The following GRIK2 variants were observed in gnomAD, a reference collection of about 807,000 sequenced individuals.
The protein encoded by GRIK2 is glutamate receptor ionotropic, kainate 2.
GRIK2 carries 32 observed loss-of-function variants against 100.3 expected under a neutral mutation model. That is an observed-to-expected ratio of 0.32 (90% CI 0.24 to 0.43). GRIK2 has a LOEUF of 0.43. Among genes scored for constraint, GRIK2 ranks in the 20% least tolerant of loss-of-function variants. The pLI, the probability that GRIK2 is intolerant of heterozygous loss-of-function variation, is 1.00. For synonymous variants in GRIK2, 417 were observed against 389.4 expected (o/e 1.07, Z -0.83); for missense variants, 843 against 1,114.9 (o/e 0.76, Z 3.47).
chr6:101,461,906 A>G (rs1582502979), intron 2 of GRIK2, among the ~76,000 whole-genome samples: 1 of 152,318 alleles, frequency 6.6e-6, no homozygotes, highest in East Asian at 1.9e-4. Flanking sequence ...CAAAACCAGC[A>G]TGTTGGAGTG....
chr6:102,009,657 C>T (rs750407374), intron 14 of GRIK2, among the ~76,000 whole-genome samples: 13 of 152,142 alleles, frequency 8.5e-5, no homozygotes, highest in Non-Finnish European at 1.6e-4. Flanking sequence ...TCTAAGTTTC[C>T]TTATCAAACT....
rs989554915 is a variant in GRIK2, at chr6:101,749,803, C to CTTTTTTTTT, written c.952-49830_952-49822dup. Among the ~76,000 whole-genome samples the CTTTTTTTTT allele has an allele frequency of 2.3e-4, 21 of 92,544 alleles. 1 individual carries two copies. The highest frequency in any genetic ancestry group is 7.1e-4 in the African/African-American group (16 of 22,478). 60.7% of individuals were successfully genotyped at this position (92,544 alleles called of 152,430 possible). A position where few individuals can be genotyped will look rare whatever the true frequency, so the allele number is the denominator to read the frequency against. On this transcript the variant is annotated intron_variant, in intron 7 of 16. Coordinates refer to ENST00000369134, the MANE Select transcript of GRIK2 (RefSeq NM_021956.5). ...ACTGAAAACTTGTGTGTGCCAGTTTCTTTTTTTTTTTTTTTTTTTTTTTGT... is the reference window on the plus strand; with the variant it reads ...ACTGAAAACTTGTGTGTGCCAGTTTCTTTTTTTTTTTTTTTTTTTTTTTTTTTTTTTTGT...
intron 10 of GRIK2, among the ~76,000 whole-genome samples, chr6:101,837,021 A>G (rs774217923): frequency 7.2e-5 from 11 of 152,122 alleles, no homozygotes; most frequent in African/African-American, 2.4e-4. Context: ...GGCATATTCA[A>G]TCCAGAAACT....
intron 6 of GRIK2, among the ~76,000 whole-genome samples, chr6:101,683,248 A>G (rs1417483869): frequency 6.6e-6 from 1 of 152,042 alleles, no homozygotes; most frequent in Non-Finnish European, 1.5e-5. Flanking sequence ...ACAAATTCTT[A>G]TGTTATCTCA....
chr6:101,991,145 A>T (rs1794345105), intron 14 of GRIK2, among the ~76,000 whole-genome samples: 1 of 151,888 alleles, frequency 6.6e-6, no homozygotes, highest in South Asian at 2.1e-4. Context: ...CTATCATCCC[A>T]GTTTCTAATG....
intron 2 of GRIK2, among the ~76,000 whole-genome samples, chr6:101,452,340 G>A (rs1362896385): frequency 6.6e-6 from 1 of 151,784 alleles, no homozygotes; most frequent in African/African-American, 2.4e-5. Context: ...CTCAAGCTTG[G>A]CTGCATATGA....
chr6:101,728,494 A>C (rs1775027462), intron 7 of GRIK2, among the ~76,000 whole-genome samples: 1 of 152,212 alleles, frequency 6.6e-6, no homozygotes, highest in East Asian at 1.9e-4. Flanking sequence ...TAAAAAGAGA[A>C]AATGAAATTA....
chr6:102,033,494 CT>C (rs1770107310), intron 14 of GRIK2, among the ~76,000 whole-genome samples: 1 of 151,246 alleles, frequency 6.6e-6, no homozygotes. Flanking sequence ...TAAAACATCC[CT>C]TCAATAAATT....
At chr6:101,786,194 A>C (rs1219275716) in intron 7 of GRIK2, among the ~76,000 whole-genome samples, 1 of 151,774 alleles carries the variant, frequency 6.6e-6, no homozygotes, top group Non-Finnish European at 1.5e-5. Context: ...TGCCAAATAG[A>C]GTTTTTGGTG....
At chr6:101,800,201 GTTAT>G (rs1780585729) in intron 8 of GRIK2, among the ~76,000 whole-genome samples, 1 of 151,846 alleles carries the variant, frequency 6.6e-6, no homozygotes, top group Non-Finnish European at 1.5e-5. Flanking sequence ...AATATGTCTA[GTTAT>G]TTAAATTATA....
intron 4 of GRIK2, among the ~76,000 whole-genome samples, chr6:101,646,556 A>G (rs1377540404): frequency 6.6e-6 from 1 of 151,992 alleles, no homozygotes; most frequent in Non-Finnish European, 1.5e-5. Flanking sequence ...GTTTACTTTA[A>G]TTAGAATAAA....
At chr6:101,528,379 A>G (rs1161066882) in intron 2 of GRIK2, among the ~76,000 whole-genome samples, 1 of 151,880 alleles carries the variant, frequency 6.6e-6, no homozygotes, top group African/African-American at 2.4e-5. Flanking sequence ...AAGTCTGTAA[A>G]ATAGTTACAT....
chr6:101,709,015 A>G (rs962295768), intron 7 of GRIK2, among the ~76,000 whole-genome samples: 1 of 151,852 alleles, frequency 6.6e-6, no homozygotes, highest in African/African-American at 2.4e-5. Context: ...ATTGACCACC[A>G]TAGTTAGTCA....
chr6:101,869,354 G>A lies in GRIK2; in HGVS notation c.1524+9861G>A, dbSNP rs528732777. 2.6e-5 allele frequency among the ~76,000 whole-genome samples: 4 copies of A among 151,898 alleles called. No individual in the cohort carries two copies. In the East Asian group the frequency reaches 5.8e-4, roughly 22 times the overall value. Reference sequence around the variant, plus strand: ...AGAAGAATTTATTGAAAATGTATTGGTATGCTAATATGTAATTACACTAAC... The same window carrying A: ...AGAAGAATTTATTGAAAATGTATTGATATGCTAATATGTAATTACACTAAC... On this transcript the variant is annotated intron_variant, in intron 11 of 16. Coordinates refer to ENST00000369134, the MANE Select transcript of GRIK2 (RefSeq NM_021956.5).
At chr6:101,643,042 A>C (rs969547861) in intron 4 of GRIK2, among the ~76,000 whole-genome samples, 10 of 151,570 alleles carry the variant, frequency 6.6e-5, no homozygotes, top group Admixed American at 6.6e-4. Context: ...GAAATGTTTA[A>C]GTTGTATGCT....
chr6:101,424,968 G>C (rs915907249), intron 2 of GRIK2, among the ~76,000 whole-genome samples: 2 of 152,064 alleles, frequency 1.3e-5, no homozygotes, highest in Non-Finnish European at 2.9e-5. Context: ...GTCTATCATT[G>C]TTGGACATTT....
At chr6:101,907,968 C>G (rs1486430568) in intron 12 of GRIK2, among the ~76,000 whole-genome samples, 3 of 151,504 alleles carry the variant, frequency 2.0e-5, no homozygotes, top group African/African-American at 7.3e-5. Flanking sequence ...TTATCTTCCT[C>G]CTCCTTCTTC....
intron 11 of GRIK2, among the ~76,000 whole-genome samples, chr6:101,887,580 G>A (rs1236138539): frequency 1.3e-5 from 2 of 152,060 alleles, no homozygotes; most frequent in East Asian, 3.9e-4. Context: ...ACCTGAGACT[G>A]GGTAATTTAT....
chr6:101,654,846 C>G (rs1781983132), intron 4 of GRIK2, among the ~76,000 whole-genome samples: 1 of 152,126 alleles, frequency 6.6e-6, no homozygotes, highest in Non-Finnish European at 1.5e-5. Context: ...GAAATCTTTC[C>G]CAATTCCCAC....
Sources: allele counts gnomAD v4.1 joint callset (sites outside exome capture counted in the v4.1 genomes callset), GRCh38; gene constraint gnomAD v4.1.1; transcripts MANE v1.5; gene names NCBI Gene and HGNC (gene_info 2026-07-23, HGNC 2026-07-21).